Variants in SRRM4 observed in about 807,000 individuals in gnomAD.
The protein encoded by SRRM4 is serine/arginine repetitive matrix 4.
SRRM4 carries 33 observed loss-of-function variants against 68.9 expected under a neutral mutation model. The observed-to-expected ratio is 0.48, with a 90% confidence interval of 0.36 to 0.64. The LOEUF is 0.64. Ranked by LOEUF, SRRM4 falls within the 30% of genes least tolerant of loss-of-function variation. The pLI is 0.00. For missense variants in SRRM4, 817 were observed against 827.1 expected (o/e 0.99, Z 0.15); for synonymous variants, 318 against 318.8 (o/e 1.00, Z 0.03).
intron 1 of SRRM4, among the ~76,000 whole-genome samples, chr12:118,986,822 T>C (rs1953285003): frequency 6.6e-6 from 1 of 152,042 alleles, no homozygotes; most frequent in Admixed American, 6.6e-5. Context: ...CTAACTCCTT[T>C]AATAGGGAAG....
intron 1 of SRRM4, among the ~76,000 whole-genome samples, chr12:119,090,768 C>T (rs1206516279): frequency 6.6e-6 from 1 of 152,172 alleles, no homozygotes; most frequent in African/African-American, 2.4e-5. Flanking sequence ...CAGGCTTGGA[C>T]TCAATGCTCC....
chr12:119,003,239 C>T (rs766939307), intron 1 of SRRM4, among the ~76,000 whole-genome samples: 4 of 151,770 alleles, frequency 2.6e-5, no homozygotes, highest in Non-Finnish European at 4.4e-5. Flanking sequence ...TTAACCCAGC[C>T]ATTTGGACTG....
In SRRM4 at chr12:119,130,806, T is replaced by C. The variant is rs1297086360; in HGVS notation, c.743T>C (p.Met248Thr). Residue 248 changes from methionine (M) to threonine (T), a missense_variant, in exon 8 of 13, where the codon ATG becomes ACG. Met to Thr is a moderately conservative substitution (Grantham distance 81). Transcript: ENST00000267260. The part of the protein sequence containing the change: ...SSRPPSQPLQ[M>T]LGYLSARGVI... ...CGCCCGCCCAGTCAACCCCTCCAGA[T>C]GCTTGGCTACCTGTCAGCCAGGGGT... 3 of 1,607,106 alleles carry C rather than the reference T, an allele frequency of 1.9e-6. No individual in the cohort carries two copies. Among genetic ancestry groups the C allele is most frequent in the African/African-American group, 1.3e-5 (1 of 75,052 alleles).
chr12:118,993,220 G>A (rs957311047), intron 1 of SRRM4, among the ~76,000 whole-genome samples: 1 of 152,146 alleles, frequency 6.6e-6, no homozygotes, highest in South Asian at 2.1e-4. Context: ...ACCCCAAAGA[G>A]GTTGTTCACT....
chr12:119,133,609 CA>C, intron 8 of SRRM4, among the ~76,000 whole-genome samples: 1 of 152,312 alleles, frequency 6.6e-6, no homozygotes, highest in East Asian at 1.9e-4. Context: ...TTCTCTATTA[CA>C]AAAGCAGAGA....
chr12:119,109,053 A>G (rs1954126017), intron 2 of SRRM4, among the ~76,000 whole-genome samples: 1 of 152,116 alleles, frequency 6.6e-6, no homozygotes, highest in Admixed American at 6.6e-5. Flanking sequence ...CTTGTCTGTA[A>G]AGGATTTTAT....
intron 1 of SRRM4, among the ~76,000 whole-genome samples, chr12:118,993,697 C>A (rs143742090): frequency 5.3e-5 from 8 of 152,254 alleles, no homozygotes; most frequent in Admixed American, 2.6e-4. Context: ...ATTGCTGTAG[C>A]CCAACCCTCC....
intron 1 of SRRM4, among the ~76,000 whole-genome samples, chr12:119,027,339 AT>A (rs1953555234): frequency 1.3e-5 from 2 of 152,218 alleles, no homozygotes; most frequent in African/African-American, 2.4e-5. Context: ...AAGAAATGGA[AT>A]CTTAAAGTCA....
chr12:119,051,955 G>A (rs1232009995), intron 1 of SRRM4, among the ~76,000 whole-genome samples: 1 of 152,194 alleles, frequency 6.6e-6, no homozygotes, highest in East Asian at 1.9e-4. Context: ...TTTGGTATTT[G>A]GTGAGAAACA....
chr12:119,142,798 T>C (rs1336806889), intron 8 of SRRM4, among the ~76,000 whole-genome samples: 1 of 152,186 alleles, frequency 6.6e-6, no homozygotes, highest in East Asian at 1.9e-4. Context: ...AGATCGCAGA[T>C]CTCAGGGTCT....
intron 1 of SRRM4, among the ~76,000 whole-genome samples, chr12:118,985,611 C>A (rs1482714504): frequency 1.3e-5 from 2 of 152,194 alleles, no homozygotes; most frequent in African/African-American, 4.8e-5. Context: ...AGGGAACCAG[C>A]ATGAATCGAT....
At chr12:119,072,247 A>G (rs980125854) in intron 1 of SRRM4, among the ~76,000 whole-genome samples, 1 of 152,084 alleles carries the variant, frequency 6.6e-6, no homozygotes, top group Non-Finnish European at 1.5e-5. Flanking sequence ...CTTTCCCCCT[A>G]CTTATTCACT....
chr12:119,116,129 T>C (rs184199370), intron 3 of SRRM4, among the ~76,000 whole-genome samples: 194 of 152,304 alleles, frequency 1.3e-3, no homozygotes, highest in African/African-American at 4.2e-3. Context: ...GAGAGGGCCC[T>C]GTTAGCATTG....
At chr12:119,135,559 G>A (rs536348082) in intron 8 of SRRM4, among the ~76,000 whole-genome samples, 1 of 152,266 alleles carries the variant, frequency 6.6e-6, no homozygotes, top group East Asian at 1.9e-4. Context: ...ATCTCTCCCT[G>A]TGAGACCCTA....
Position 119,156,805 on chromosome 12 carries a change from C to A in SRRM4, c.*7C>A, listed in dbSNP as rs1165955307. On this transcript the variant is annotated 3_prime_UTR_variant, in exon 13 of 13. Coordinates refer to ENST00000267260, the MANE Select transcript of SRRM4 (RefSeq NM_194286.4). ...CTCCAGCACGAGGCGCTAAGTGCCC[C>A]TGAGCCAGCTGCCCGTGGGGGCCCC... The A allele has an allele frequency of 2.0e-5, 30 of 1,515,736 alleles. No homozygotes were observed. Among genetic ancestry groups the A allele is most frequent in the African/African-American group, 2.8e-5 (2 of 72,458 alleles). The allele number at this position is 1,515,736 out of a possible 1,614,324, so 93.9% of individuals were successfully genotyped here.
intron 2 of SRRM4, among the ~76,000 whole-genome samples, chr12:119,106,449 T>A (rs1393348646): frequency 2.0e-5 from 3 of 152,152 alleles, no homozygotes; most frequent in Non-Finnish European, 4.4e-5. Context: ...GAGCATGGAA[T>A]GTTCTTCCAT....
At chr12:118,994,018 C>T (rs1341845346) in intron 1 of SRRM4, 1 of 152,138 alleles carries the variant, frequency 6.6e-6, no homozygotes, top group African/African-American at 2.4e-5. Context: ...GAGCTGGGAA[C>T]CACCAGGTTG....
chr12:119,018,170 A>G (rs1953493244), intron 1 of SRRM4, among the ~76,000 whole-genome samples: 2 of 152,212 alleles, frequency 1.3e-5, no homozygotes, highest in Non-Finnish European at 2.9e-5. Context: ...AGGAGACAGG[A>G]GTCAAACTCA....
In SRRM4 at chr12:119,156,822, G is replaced by T; in HGVS notation, c.*24G>T. 1.3e-6 allele frequency: 2 copies of T among 1,499,054 alleles called. No individual in the cohort carries two copies. Among genetic ancestry groups the T allele is most frequent in the Non-Finnish European group, 1.8e-6 (2 of 1,126,562 alleles). The allele number at this position is 1,499,054 out of a possible 1,614,324, so 92.9% of individuals were successfully genotyped here. ...AAGTGCCCCTGAGCCAGCTGCCCGT[G>T]GGGGCCCCTTCGCGCTGCCAGCCTC... On this transcript the variant is annotated 3_prime_UTR_variant, in exon 13 of 13. Coordinates refer to ENST00000267260, the MANE Select transcript of SRRM4 (RefSeq NM_194286.4).
Sources: allele counts gnomAD v4.1 joint callset (sites outside exome capture counted in the v4.1 genomes callset), GRCh38; gene constraint gnomAD v4.1.1; transcripts MANE v1.5; gene names NCBI Gene and HGNC (gene_info 2026-07-23, HGNC 2026-07-21).